Variants in NIPAL2 observed in about 807,000 individuals in gnomAD.
NIPAL2 encodes the protein NIPA like domain containing 2, also known as NIPA-like protein 2.
A neutral mutation model predicts 48.9 loss-of-function variants in NIPAL2; 43 were observed. The observed-to-expected ratio is 0.88, with a 90% CI of 0.69 to 1.13. The LOEUF is 1.13. Among genes scored for constraint, NIPAL2 ranks in the 50% most tolerant of loss-of-function variants. NIPAL2 has a pLI of 0.00. For missense variants in NIPAL2, 446 were observed against 461.4 expected (o/e 0.97, Z 0.31); for synonymous variants, 167 against 174.6 (o/e 0.96, Z 0.34).
chr8:98,193,485 G>A (rs1440914933), intron 10 of NIPAL2: 14 of 1,434,796 alleles, frequency 9.8e-6, no homozygotes, highest in Admixed American at 5.0e-5. Flanking sequence ...AAGCTACTAC[G>A]GAGCCTATGC....
chr8:98,210,751 G>C (rs1387064407), intron 6 of NIPAL2, among the ~76,000 whole-genome samples: 1 of 152,070 alleles, frequency 6.6e-6, no homozygotes, highest in East Asian at 1.9e-4. Context: ...GTTGCATATT[G>C]GATATGATAT....
chr8:98,197,179 A>G (rs1810590330), intron 8 of NIPAL2, among the ~76,000 whole-genome samples: 1 of 151,798 alleles, frequency 6.6e-6, no homozygotes, highest in Non-Finnish European at 1.5e-5. Context: ...AGACCACATC[A>G]CAATAAAGCT....
intron 3 of NIPAL2, among the ~76,000 whole-genome samples, chr8:98,251,390 T>TAGAA (rs1813576386): frequency 1.3e-5 from 2 of 152,154 alleles, no homozygotes; most frequent in Admixed American, 1.3e-4. Flanking sequence ...GTTTACTAAA[T>TAGAA]AGAAAGTGAG....
At chr8:98,249,092 G>C (rs917793411) in intron 3 of NIPAL2, among the ~76,000 whole-genome samples, 1 of 152,170 alleles carries the variant, frequency 6.6e-6, no homozygotes, top group African/African-American at 2.4e-5. Flanking sequence ...GATGTGTTCA[G>C]TATGTTTTGG....
chr8:98,291,397 T>C (rs1192548981), intron 1 of NIPAL2, among the ~76,000 whole-genome samples: 1 of 152,186 alleles, frequency 6.6e-6, no homozygotes, highest in African/African-American at 2.4e-5. Flanking sequence ...CTGTCCATCA[T>C]TAACCATCCA....
At chr8:98,255,544 A>G (rs1167406046) in intron 1 of NIPAL2, among the ~76,000 whole-genome samples, 1 of 152,244 alleles carries the variant, frequency 6.6e-6, no homozygotes, top group East Asian at 1.9e-4. Context: ...GTATTTAGAA[A>G]TGAAATTTAG....
intron 1 of NIPAL2, among the ~76,000 whole-genome samples, chr8:98,254,870 C>T (rs1039355486): frequency 6.6e-6 from 1 of 152,230 alleles, no homozygotes; most frequent in Non-Finnish European, 1.5e-5. Flanking sequence ...ATGCCTCTCA[C>T]TCACTCCAAC....
chr8:98,230,084 C>G (rs1812363170), intron 4 of NIPAL2, among the ~76,000 whole-genome samples: 1 of 152,098 alleles, frequency 6.6e-6, no homozygotes, highest in Admixed American at 6.5e-5. Context: ...GGATTGGAAC[C>G]TAGGTAGTCT....
chr8:98,211,446 A>C (rs1811311331), intron 6 of NIPAL2, among the ~76,000 whole-genome samples: 2 of 152,172 alleles, frequency 1.3e-5, no homozygotes, highest in Non-Finnish European at 2.9e-5. Context: ...ATCTGTTTCT[A>C]TAAGTAACTA....
intron 1 of NIPAL2, among the ~76,000 whole-genome samples, chr8:98,262,748 G>T (rs1264314469): frequency 3.3e-5 from 5 of 150,892 alleles, no homozygotes; most frequent in African/African-American, 1.2e-4. Flanking sequence ...GGATACCCAG[G>T]AATTGAACTC....
intron 2 of NIPAL2, among the ~76,000 whole-genome samples, chr8:98,253,004 C>T (rs895697835): frequency 2.0e-5 from 3 of 151,934 alleles, no homozygotes; most frequent in African/African-American, 7.3e-5. Flanking sequence ...TATGTGAATC[C>T]TCCTTTTGTC....
intron 1 of NIPAL2, among the ~76,000 whole-genome samples, chr8:98,280,751 T>TAGAGAGAGAG (rs1324978171): frequency 2.4e-5 from 1 of 42,342 alleles, no homozygotes; most frequent in Non-Finnish European, 5.4e-5. Context: ...TATATATATA[T>TAGAGAGAGAG]ATATATATAT....
In NIPAL2 at chr8:98,252,647, C is replaced by T. The variant is rs776195893; in HGVS notation, c.205-13G>A. On this transcript the variant is annotated splice_polypyrimidine_tract_variant and intron_variant, in intron 2 of 10. Transcript: ENST00000430223. ...GGTGAGAATATTTCTGAAAGTAAAT[C>T]AGAAGACAAATAAGAAAACATTCTG... 10 of 1,600,254 alleles carry T rather than the reference C, an allele frequency of 6.2e-6. No homozygotes were observed. In the South Asian group the frequency reaches 1.1e-4, roughly 18 times the overall value.
At chr8:98,289,138 C>T (rs1360237775) in intron 1 of NIPAL2, among the ~76,000 whole-genome samples, 1 of 152,150 alleles carries the variant, frequency 6.6e-6, no homozygotes, top group Non-Finnish European at 1.5e-5. Flanking sequence ...TAAATGGTGT[C>T]TTTTTCTGCT....
intron 5 of NIPAL2, among the ~76,000 whole-genome samples, chr8:98,214,262 CA>C (rs1811464539): frequency 6.6e-6 from 1 of 151,466 alleles, no homozygotes; most frequent in African/African-American, 2.4e-5. Context: ...CTCTTGGGTT[CA>C]AGTGATTCTC....
chr8:98,213,061 A>C (rs1439974987), intron 5 of NIPAL2, among the ~76,000 whole-genome samples: 1 of 152,218 alleles, frequency 6.6e-6, no homozygotes, highest in Non-Finnish European at 1.5e-5. Flanking sequence ...GAAATATTTT[A>C]TTCATAGAGA....
rs190989503 is a variant in NIPAL2 at position 98,254,847 on chromosome 8, A to G, written c.136-760T>C. Among the ~76,000 whole-genome samples the G allele has an allele frequency of 6.6e-5, 10 of 152,278 alleles. No individual in the cohort carries two copies. In the East Asian group the frequency reaches 1.9e-3, roughly 29 times the overall value. On this transcript the variant is annotated intron_variant, in intron 1 of 10. Transcript: ENST00000430223. ...CACTTTCTCATGCCACTGCTCTCCT[A>G]GGTCATGCAGGTATGCCTCTCACTC... is the stretch of plus-strand genomic sequence containing the variant.
At chr8:98,240,100 G>A (rs1178584681) in intron 3 of NIPAL2, among the ~76,000 whole-genome samples, 1 of 152,152 alleles carries the variant, frequency 6.6e-6, no homozygotes, top group African/African-American at 2.4e-5. Context: ...TAAAAAGCAT[G>A]AAAACAGAAC....
At chr8:98,248,137 T>C (rs116774322) in intron 3 of NIPAL2, among the ~76,000 whole-genome samples, 2,027 of 152,278 alleles carry the variant, frequency 0.013, 55 homozygotes, top group African/African-American at 0.046. Flanking sequence ...CGTGTTTTGG[T>C]AGGGAATATG....
Sources: allele counts gnomAD v4.1 joint callset (sites outside exome capture counted in the v4.1 genomes callset), GRCh38; gene constraint gnomAD v4.1.1; transcripts MANE v1.5; gene names NCBI Gene and HGNC (gene_info 2026-07-23, HGNC 2026-07-21).